Variants in C6 observed in about 807,000 individuals in gnomAD.
C6 encodes the protein complement component C6.
C6 carries 101 observed loss-of-function variants against 112.9 expected under a neutral mutation model. That is an observed-to-expected ratio of 0.89 (90% CI 0.76 to 1.06). C6 has a LOEUF of 1.06. Among genes scored for constraint, C6 ranks in the 50% least tolerant of loss-of-function variants. C6 has a pLI of 0.00. For synonymous variants in C6, 431 were observed against 384.1 expected (o/e 1.12, Z -1.43); for missense variants, 1,202 against 1,104.6 (o/e 1.09, Z -1.25).
chr5:41,209,734 A>T (rs1217167648), intron 1 of C6, among the ~76,000 whole-genome samples: 1 of 152,376 alleles, frequency 6.6e-6, no homozygotes, highest in East Asian at 1.9e-4. Context: ...AACAAATGGA[A>T]GAACATTCCA....
chr5:41,193,198 A>C (rs1750353202), intron 5 of C6, among the ~76,000 whole-genome samples: 1 of 152,186 alleles, frequency 6.6e-6, no homozygotes, highest in African/African-American at 2.4e-5. Flanking sequence ...CACAAGCAAA[A>C]AAGGGCTTGA....
chr5:41,156,406 G>A (rs1400504203), intron 13 of C6, among the ~76,000 whole-genome samples: 2 of 151,766 alleles, frequency 1.3e-5, no homozygotes, highest in African/African-American at 2.4e-5. Flanking sequence ...CCCCACCCCT[G>A]ATCCTTTAGT....
rs773718393 is a variant in C6 at position 41,176,657 on chromosome 5, G to C, written c.986C>G (p.Ala329Gly). 2 of 1,613,366 alleles carry C rather than the reference G, an allele frequency of 1.2e-6. No individual in the cohort carries two copies. The highest frequency in any genetic ancestry group is 1.7e-6 in the Non-Finnish European group (2 of 1,179,448). ...VMKVLNFTTK[A>G]KDLHLSDVFL... ...GACATCAGAAAGGTGCAGATCTTTAGCTTTCGTTGTGAAGTTTAAGACTTT... is the reference window on the plus strand; with the variant it reads ...GACATCAGAAAGGTGCAGATCTTTACCTTTCGTTGTGAAGTTTAAGACTTT... Residue 329 changes from alanine to glycine, a missense_variant, in exon 8 of 18, where the codon GCT becomes GGT. Ala to Gly is a moderately conservative substitution (Grantham distance 60). Transcript: ENST00000337836.
At chr5:41,200,694 T>C (rs1197214933) in intron 3 of C6, among the ~76,000 whole-genome samples, 1 of 152,136 alleles carries the variant, frequency 6.6e-6, no homozygotes, top group Non-Finnish European at 1.5e-5. Flanking sequence ...TGGTTCACAT[T>C]GGCCGATGCC....
At position 41,142,822 on chromosome 5, in the gene C6, G is replaced by C; in HGVS notation, c.*3C>G. 1 of 1,606,194 alleles carries C rather than the reference G, an allele frequency of 6.2e-7. No homozygotes were observed. The highest frequency in any genetic ancestry group is 8.5e-7 in the Non-Finnish European group (1 of 1,173,022). On this transcript the variant is annotated 3_prime_UTR_variant, in exon 18 of 18. Coordinates refer to ENST00000337836, the MANE Select transcript of C6 (RefSeq NM_000065.5). ...CATTGTGCTGGGCCTAGCAGTAATTGTGCTAGGCCAAACACTTTCCAGGAT... is the reference window on the plus strand; with the variant it reads ...CATTGTGCTGGGCCTAGCAGTAATTCTGCTAGGCCAAACACTTTCCAGGAT...
chr5:41,148,015 G>A (rs1354910633), intron 17 of C6, among the ~76,000 whole-genome samples: 1 of 152,194 alleles, frequency 6.6e-6, no homozygotes, highest in East Asian at 1.9e-4. Context: ...AATATAATAT[G>A]GCAAAAACAT....
upstream of C6, among the ~76,000 whole-genome samples, chr5:41,214,266 G>A (rs1459796380): frequency 6.6e-6 from 1 of 152,104 alleles, no homozygotes; most frequent in Non-Finnish European, 1.5e-5. Flanking sequence ...TGTAAAACAA[G>A]TGTTTTTCAA....
intron 17 of C6, among the ~76,000 whole-genome samples, chr5:41,144,099 C>A (rs1319729718): frequency 3.3e-5 from 5 of 152,156 alleles, no homozygotes; most frequent in Admixed American, 6.6e-5. Context: ...GTTTCCCCAA[C>A]AAGACCCCAA....
Position 41,160,247 on chromosome 5 carries a change from G to A in C6, c.1579C>T (p.Pro527Ser), listed in dbSNP as rs1747351147. The A allele has an allele frequency of 3.1e-6, 5 of 1,613,790 alleles. No homozygotes were observed. Among genetic ancestry groups the A allele is most frequent in the Non-Finnish European group, 4.2e-6 (5 of 1,179,816 alleles). Residue 527 changes from proline to serine, a missense_variant, in exon 11 of 18, where the codon CCT (proline) becomes TCT (serine). Physicochemically the swap from Pro to Ser is moderately conservative, Grantham distance 74 (BLOSUM62 -1). Coordinates refer to ENST00000337836, the MANE Select transcript of C6 (RefSeq NM_000065.5). ...GAGAGGGTGGGTCGGCCATTATTAGGGCATGGAGCACACTGGCAAGGATCG... is the reference window on the plus strand; with the variant it reads ...GAGAGGGTGGGTCGGCCATTATTAGAGCATGGAGCACACTGGCAAGGATCG... ...KFDPCQCAPC[P>S]NNGRPTLSGT... is the part of the protein sequence containing the mutation.
At chr5:41,161,116 A>G (rs1747449894) in intron 10 of C6, among the ~76,000 whole-genome samples, 1 of 152,168 alleles carries the variant, frequency 6.6e-6, no homozygotes. Context: ...AATGAACATA[A>G]CAGCTTCTTT....
intron 7 of C6, among the ~76,000 whole-genome samples, chr5:41,180,443 T>A (rs1749232465): frequency 6.6e-6 from 1 of 152,144 alleles, no homozygotes; most frequent in East Asian, 1.9e-4. Flanking sequence ...ATTTAAACAC[T>A]GTGAGACATA....
At chr5:41,248,286 T>C (rs952648085) in intron 1 of C6, among the ~76,000 whole-genome samples, 7 of 152,070 alleles carry the variant, frequency 4.6e-5, no homozygotes, top group African/African-American at 1.7e-4. Context: ...GATTAAGCCC[T>C]CAAAAGCAAT....
chr5:41,243,303 AT>A (rs1740840655), intron 1 of C6, among the ~76,000 whole-genome samples: 1 of 152,280 alleles, frequency 6.6e-6, no homozygotes, highest in South Asian at 2.1e-4. Context: ...TCTATTAAAC[AT>A]TTTTATTGTG....
At chr5:41,187,988 T>C (rs1480157006) in intron 5 of C6, among the ~76,000 whole-genome samples, 1 of 152,030 alleles carries the variant, frequency 6.6e-6, no homozygotes, top group East Asian at 1.9e-4. Flanking sequence ...CAAATAGCAA[T>C]GAACAATCCA....
intron 1 of C6, among the ~76,000 whole-genome samples, chr5:41,219,203 A>G (rs981532997): frequency 1.3e-5 from 2 of 152,160 alleles, no homozygotes; most frequent in African/African-American, 4.8e-5. Context: ...AAATGTAGAA[A>G]TTAATAAATT....
chr5:41,176,865 A>C, intron 7 of C6, 150 bp from the exon 8 acceptor site: 1 of 805,528 alleles, frequency 1.2e-6, no homozygotes. Context: ...CACGTACAAA[A>C]TTATAATTTT....
intron 1 of C6, among the ~76,000 whole-genome samples, chr5:41,224,656 G>T (rs1580223460): frequency 6.6e-6 from 1 of 151,854 alleles, no homozygotes; most frequent in Admixed American, 6.6e-5. Flanking sequence ...ATCAGTTGAT[G>T]GTCATTTGTG....
chr5:41,171,592 G>A (rs1748427307), intron 9 of C6, among the ~76,000 whole-genome samples: 1 of 152,098 alleles, frequency 6.6e-6, no homozygotes, highest in South Asian at 2.1e-4. Flanking sequence ...AAAAGTGAAA[G>A]CCTATTGGGA....
chr5:41,158,468 A>C (rs1235901260), intron 13 of C6, among the ~76,000 whole-genome samples: 1 of 152,198 alleles, frequency 6.6e-6, no homozygotes, highest in Non-Finnish European at 1.5e-5. Context: ...GCAATCTGCT[A>C]TACTTTAGTC....
Sources: allele counts gnomAD v4.1 joint callset (sites outside exome capture counted in the v4.1 genomes callset), GRCh38; gene constraint gnomAD v4.1.1; transcripts MANE v1.5; gene names NCBI Gene and HGNC (gene_info 2026-07-23, HGNC 2026-07-21).